MAML2: variants seen among roughly 807,000 people sequenced by gnomAD.
MAML2 encodes the protein mastermind-like protein 2.
A neutral mutation model predicts 96.1 loss-of-function variants in MAML2; 22 were observed. That is an observed-to-expected ratio of 0.23 (90% CI 0.16 to 0.33). The LOEUF (loss-of-function observed/expected upper bound fraction) is 0.33. Among genes scored for constraint, MAML2 ranks in the 10% least tolerant of loss-of-function variants. The pLI, the probability that MAML2 is intolerant of heterozygous loss-of-function variation, is 1.00. For synonymous variants in MAML2, 561 were observed against 521.3 expected, an observed-to-expected ratio of 1.08 and a Z score of -1.04; for missense variants, 1,367 against 1,392.4, an observed-to-expected ratio of 0.98 and a Z score of 0.29.
In MAML2 at chr11:96,219,531, T is replaced by C. The variant is rs545307693; in HGVS notation, c.513+121852A>G. ...AAGCCTTGCACCGTGATTTACAGCATGAGCCTAGGAGTCAGACCAATTTTG... is the reference window on the plus strand; with the variant it reads ...AAGCCTTGCACCGTGATTTACAGCACGAGCCTAGGAGTCAGACCAATTTTG... On this transcript the variant is annotated intron_variant, in intron 1 of 4. Coordinates refer to ENST00000524717, the MANE Select transcript of MAML2 (RefSeq NM_032427.4). 2.6e-5 allele frequency among the ~76,000 whole-genome samples: 4 copies of C among 152,366 alleles called. No homozygotes were observed. In the East Asian group the frequency reaches 5.8e-4, roughly 22 times the overall value.
intron 1 of MAML2, among the ~76,000 whole-genome samples, chr11:96,219,136 A>G (rs902541595): frequency 1.3e-5 from 2 of 152,216 alleles, no homozygotes; most frequent in African/African-American, 2.4e-5. Context: ...TCTTTAAAGT[A>G]TGTTAAAAAG....
chr11:96,246,456 T>C (rs1229341511), intron 1 of MAML2, among the ~76,000 whole-genome samples: 1 of 152,116 alleles, frequency 6.6e-6, no homozygotes, highest in Non-Finnish European at 1.5e-5. Flanking sequence ...GCACAGTGAT[T>C]GCTTCTGCCT....
At chr11:96,295,521 A>T (rs75912622) in intron 1 of MAML2, among the ~76,000 whole-genome samples, 1 of 152,298 alleles carries the variant, frequency 6.6e-6, no homozygotes, top group African/African-American at 2.4e-5. Flanking sequence ...AATGCCTATC[A>T]TCTGGAATGT....
At chr11:96,103,636 A>ACAT (rs1206655598) in intron 1 of MAML2, among the ~76,000 whole-genome samples, 1 of 152,204 alleles carries the variant, frequency 6.6e-6, no homozygotes, top group Admixed American at 6.5e-5. Flanking sequence ...GGTTTACCCA[A>ACAT]CATCAATGGG....
At chr11:96,195,685 C>G (rs1002970993) in intron 1 of MAML2, among the ~76,000 whole-genome samples, 1 of 152,188 alleles carries the variant, frequency 6.6e-6, no homozygotes, top group African/African-American at 2.4e-5. Flanking sequence ...AGGACTTATA[C>G]CTCCATAGAA....
intron 1 of MAML2, among the ~76,000 whole-genome samples, chr11:96,222,548 C>T (rs1184340160): frequency 6.6e-6 from 1 of 152,154 alleles, no homozygotes; most frequent in Admixed American, 6.5e-5. Flanking sequence ...ATTAACTTGT[C>T]AAGTCTTTCC....
intron 2 of MAML2, among the ~76,000 whole-genome samples, chr11:96,040,924 T>A (rs2135756028): frequency 6.6e-6 from 1 of 152,380 alleles, no homozygotes; most frequent in East Asian, 1.9e-4. Context: ...GTATTTTTAA[T>A]CAGGCTTCTT....
At chr11:96,154,997 G>A (rs1010898460) in intron 1 of MAML2, among the ~76,000 whole-genome samples, 3 of 152,076 alleles carry the variant, frequency 2.0e-5, no homozygotes, top group East Asian at 1.9e-4. Flanking sequence ...GATCCTCCCC[G>A]TTCTCCCAGG....
chr11:96,088,880 G>T (rs186234187), intron 2 of MAML2, among the ~76,000 whole-genome samples: 2 of 152,210 alleles, frequency 1.3e-5, no homozygotes, highest in South Asian at 4.2e-4. Context: ...TCAGAGTTCC[G>T]ACAGGTAAAG....
chr11:96,341,522 G>C lies in MAML2; in HGVS notation c.374C>G (p.Pro125Arg), dbSNP rs1863992685. The C allele has an allele frequency of 1.3e-6, 2 of 1,551,542 alleles. No individual in the cohort carries two copies. The highest frequency in any genetic ancestry group is 1.2e-5 in the South Asian group (1 of 84,034). Residue 125 changes from proline to arginine, a missense_variant, in exon 1 of 5, where the codon CCG (proline) becomes CGG (arginine). Pro to Arg is a moderately radical substitution (Grantham distance 103). Transcript: ENST00000524717. Reference protein sequence around the residue: ...ASQAAATAAPPPPPDYHHHHQ... With the variant: ...ASQAAATAAPRPPPDYHHHHQ... ...GTGATGGTGATAGTCTGGTGGGGGCGGTGGGGCTGCTGTTGCTGCTGCTTG... is the reference window on the plus strand; with the variant it reads ...GTGATGGTGATAGTCTGGTGGGGGCCGTGGGGCTGCTGTTGCTGCTGCTTG...
In MAML2 at chr11:95,977,804, T is replaced by G. The variant is rs1857670196; in HGVS notation, c.*1144A>C. The G allele has an allele frequency of 4.4e-6, 1 of 226,174 alleles. No homozygotes were observed. The highest frequency in any genetic ancestry group is 8.8e-6 in the Non-Finnish European group (1 of 113,638). 14.0% of individuals were successfully genotyped at this position (226,174 alleles called of 1,614,324 possible). ...TCCTAACAGACCACATTCCATTTTG[T>G]TGCTCACCCAAATCCAAATAATACG... On this transcript the variant is annotated 3_prime_UTR_variant, in exon 5 of 5. Coordinates refer to ENST00000524717, the MANE Select transcript of MAML2 (RefSeq NM_032427.4).
intron 1 of MAML2, among the ~76,000 whole-genome samples, chr11:96,333,123 G>C (rs1425928848): frequency 6.6e-6 from 1 of 152,114 alleles, no homozygotes; most frequent in African/African-American, 2.4e-5. Context: ...AGTTATTAGA[G>C]GGCTGGATAA....
intron 2 of MAML2, among the ~76,000 whole-genome samples, chr11:96,041,220 G>C (rs578102352): frequency 6.6e-6 from 1 of 151,988 alleles, no homozygotes; most frequent in Non-Finnish European, 1.5e-5. Context: ...GCCAGGTGTG[G>C]TGGCTCACAC....
chr11:95,983,375 A>G (rs509665), intron 4 of MAML2, among the ~76,000 whole-genome samples: 75,122 of 152,072 alleles, frequency 0.49, 21,061 homozygotes, highest in African/African-American at 0.75. Context: ...GAAGTAGAGA[A>G]TAGAATTGCG....
At chr11:96,328,780 G>A (rs1792491197) in intron 1 of MAML2, among the ~76,000 whole-genome samples, 1 of 152,126 alleles carries the variant, frequency 6.6e-6, no homozygotes, top group South Asian at 2.1e-4. Context: ...GCTTAGGGCT[G>A]CCCTTGGGAA....
rs117032931 is a variant in MAML2 at position 96,064,008 on chromosome 11, C to T, written c.2139+27884G>A. On this transcript the variant is annotated intron_variant, in intron 2 of 4. Coordinates refer to ENST00000524717, the MANE Select transcript of MAML2 (RefSeq NM_032427.4). ...CAAGAATGGCCAGGACATCTTTTAC[C>T]TAAGATTTCCAAGCCTCCTGATTGG... Among the ~76,000 whole-genome samples the T allele has an allele frequency of 4.2e-3, 638 of 152,274 alleles. 3 individuals are homozygous for T. Among genetic ancestry groups the T allele is most frequent in the Non-Finnish European group, 7.3e-3 (498 of 68,030 alleles).
intron 2 of MAML2, among the ~76,000 whole-genome samples, chr11:96,062,915 G>C (rs187025581): frequency 5.2e-4 from 79 of 152,140 alleles, no homozygotes; most frequent in Non-Finnish European, 7.8e-4. Flanking sequence ...CTATTATACT[G>C]AAGCCAAATA....
chr11:96,124,750 G>A (rs1270647095), intron 1 of MAML2, among the ~76,000 whole-genome samples: 2 of 152,140 alleles, frequency 1.3e-5, no homozygotes, highest in Non-Finnish European at 2.9e-5. Context: ...CATACACCTC[G>A]TGAAAGGGCA....
chr11:96,184,644 C>T (rs1232374329), intron 1 of MAML2, among the ~76,000 whole-genome samples: 2 of 143,000 alleles, frequency 1.4e-5, no homozygotes, highest in Non-Finnish European at 3.0e-5. Flanking sequence ...GGCTGGAGTG[C>T]GGTGGCGCTG....
Sources: allele counts gnomAD v4.1 joint callset (sites outside exome capture counted in the v4.1 genomes callset), GRCh38; gene constraint gnomAD v4.1.1; transcripts MANE v1.5; gene names NCBI Gene and HGNC (gene_info 2026-07-23, HGNC 2026-07-21).